The following SMIM30 variants were observed in gnomAD, a reference collection of about 807,000 sequenced individuals.
SMIM30 encodes the protein small integral membrane protein 30, also known as long intergenic non-protein coding RNA 998.
For synonymous variants in SMIM30, 19 were observed against 11.5 expected, an observed-to-expected ratio of 1.65 and a Z score of -1.31; for missense variants, 43 against 27.6, an observed-to-expected ratio of 1.56 and a Z score of -1.25.
chr7:113,118,077 G>A lies in SMIM30; in HGVS notation c.-39C>T, dbSNP rs1027080390. ...AATTAATAAGACTTACCAAAGAAAT[G>A]GTATATATAGAATTCTATCTGACTT... On this transcript the variant is annotated 5_prime_UTR_variant, in exon 2 of 3. Coordinates refer to ENST00000397764, the MANE Select transcript of SMIM30 (RefSeq NM_001352688.2). 8.8e-6 allele frequency: 4 copies of A among 452,192 alleles called. No homozygotes were observed. Among genetic ancestry groups the A allele is most frequent in the African/African-American group, 6.0e-5 (3 of 49,720 alleles). The allele number at this position is 452,192 out of a possible 1,614,324, so 28.0% of individuals were successfully genotyped here. A position where few individuals can be genotyped will look rare whatever the true frequency, so the allele number is the denominator to read the frequency against.
chr7:113,117,797 TCC>T, intron 2 of SMIM30, 190 bp from the exon 3 acceptor site: 1 of 560,686 alleles, frequency 1.8e-6, no homozygotes, highest in Non-Finnish European at 3.2e-6. Context: ...GAGGTTCATC[TCC>T]CTATCTCGTG....
intron 2 of SMIM30, 154 bp from the exon 3 acceptor site, chr7:113,117,761 CAG>C: frequency 1.7e-6 from 1 of 600,462 alleles, no homozygotes; most frequent in Non-Finnish European, 3.0e-6. Flanking sequence ...GGTGGAAAAA[CAG>C]AGGGACGTTA....
chr7:113,117,573 G>A lies in SMIM30; in HGVS notation c.6C>T (p.Thr2=). The change falls in exon 3 of 3, where the codon ACC becomes ACT. Residue 2 remains threonine, a synonymous_variant. Transcript: ENST00000397764. ...CTAAGGACAACTGTGTTGAAACTGA[G>A]GTCATGATGTTGGAATCTTGAGGGC... is the stretch of plus-strand genomic sequence containing the variant. M[T]SVSTQLSLVL... The A allele has an allele frequency of 1.4e-6, 1 of 702,886 alleles. No individual in the cohort carries two copies. The highest frequency in any genetic ancestry group is 2.6e-6 in the Non-Finnish European group (1 of 384,936). 43.5% of individuals were successfully genotyped at this position (702,886 alleles called of 1,614,324 possible). A position where few individuals can be genotyped will look rare whatever the true frequency, so the allele number is the denominator to read the frequency against.
At chr7:113,117,868 A>G in intron 2 of SMIM30, 200 bp downstream of exon 2, 1 of 426,646 alleles carries the variant, frequency 2.3e-6, no homozygotes, top group South Asian at 2.3e-5. Context: ...GCATCAACCA[A>G]ACAAAAATTG....
intron 1 of SMIM30, 37 bp from the exon 2 acceptor site, chr7:113,118,198 G>A (rs557475958): frequency 2.3e-5 from 10 of 429,820 alleles, no homozygotes; most frequent in East Asian, 7.2e-5. Context: ...GGGGCGGAGA[G>A]AAGGATTTAA....
rs1242328485 is a variant in SMIM30, at chr7:113,117,225, C to T, written c.*174G>A. On this transcript the variant is annotated 3_prime_UTR_variant, in exon 3 of 3. Coordinates refer to ENST00000397764, the MANE Select transcript of SMIM30 (RefSeq NM_001352688.2). ...TGTGCATTATTTGTTGTAAAGAAAA[C>T]ATTTTTTTTTCAATTTATAAATGTA... 1 of 567,068 alleles carries T rather than the reference C, an allele frequency of 1.8e-6. No homozygotes were observed. Among genetic ancestry groups the T allele is most frequent in the African/African-American group, 1.9e-5 (1 of 53,514 alleles). 35.1% of individuals were successfully genotyped at this position (567,068 alleles called of 1,614,324 possible).
In SMIM30 at chr7:113,116,932, C is replaced by T. The variant is rs1013182747; in HGVS notation, c.*467G>A. The T allele has an allele frequency of 1.3e-5, 2 of 154,124 alleles. No homozygotes were observed. The highest frequency in any genetic ancestry group is 4.8e-5 in the African/African-American group (2 of 41,240). 9.5% of individuals were successfully genotyped at this position (154,124 alleles called of 1,614,324 possible). A position where few individuals can be genotyped will look rare whatever the true frequency, so the allele number is the denominator to read the frequency against. On this transcript the variant is annotated 3_prime_UTR_variant, in exon 3 of 3. Coordinates refer to ENST00000397764, the MANE Select transcript of SMIM30 (RefSeq NM_001352688.2). ...TTTTTTCCCTAGAGATAAAAGTTTT[C>T]CTTTTTGCCTGACTCTCTGATATCT... is the stretch of plus-strand genomic sequence containing the variant.
intron 2 of SMIM30, 176 bp from the exon 3 acceptor site, chr7:113,117,783 A>C: frequency 1.7e-6 from 1 of 574,412 alleles, no homozygotes; most frequent in Middle Eastern, 4.6e-4. Context: ...AAAGACAGTA[A>C]TTTGAGGTTC....
At chr7:113,118,280 G>C (rs1794720040) in intron 1 of SMIM30, 119 bp from the exon 2 acceptor site, 4 of 419,774 alleles carry the variant, frequency 9.5e-6, no homozygotes, top group Admixed American at 2.6e-5. Context: ...AGGCCATATG[G>C]ACGGTAGGGG....
rs1249072937 is a variant in SMIM30, at chr7:113,118,508, G to A, written c.-124+20C>T. On this transcript the variant is annotated intron_variant, in intron 1 of 2. Transcript: ENST00000397764. ...ACTGGTGCAACCTAAGTATCCTTTG[G>A]AGACGAGTTCGTACATTACCTTCTA... 1 of 456,096 alleles carries A rather than the reference G, an allele frequency of 2.2e-6. No individual in the cohort carries two copies. The highest frequency in any genetic ancestry group is 4.4e-6 in the Non-Finnish European group (1 of 226,918). 28.3% of individuals were successfully genotyped at this position (456,096 alleles called of 1,614,324 possible).
chr7:113,117,729 C>T lies in SMIM30; in HGVS notation c.-29-122G>A, dbSNP rs1201086655. The T allele has an allele frequency of 6.3e-6, 4 of 637,792 alleles. No individual in the cohort carries two copies. In the African/African-American group the frequency reaches 7.3e-5, roughly 12 times the overall value. 39.5% of individuals were successfully genotyped at this position (637,792 alleles called of 1,614,324 possible). Reference sequence around the variant, plus strand: ...TTTTGGATACTTTATGAATCATTTCCAATCCATCTCCTCATCTTATAGGTG... The same window carrying T: ...TTTTGGATACTTTATGAATCATTTCTAATCCATCTCCTCATCTTATAGGTG... On this transcript the variant is annotated intron_variant, in intron 2 of 2. Coordinates refer to ENST00000397764, the MANE Select transcript of SMIM30 (RefSeq NM_001352688.2).
chr7:113,117,810 A>G (rs1057442732), intron 2 of SMIM30: 7 of 528,216 alleles, frequency 1.3e-5, no homozygotes, highest in African/African-American at 1.9e-5. Context: ...CTATCTCGTG[A>G]TAACACTCTA....
rs1438472786 is a variant in SMIM30, at chr7:113,117,604, G to T, written c.-26C>A. The T allele has an allele frequency of 1.4e-6, 1 of 702,436 alleles. No individual in the cohort carries two copies. The highest frequency in any genetic ancestry group is 2.0e-5 in the Admixed American group (1 of 49,952). The allele number at this position is 702,436 out of a possible 1,614,324, so 43.5% of individuals were successfully genotyped here. A position where few individuals can be genotyped will look rare whatever the true frequency, so the allele number is the denominator to read the frequency against. ...GATGTTGGAATCTTGAGGGCTGAAG[G>T]TTCCTAGAAATTAAACATGGAAACA... On this transcript the variant is annotated 5_prime_UTR_variant, in exon 3 of 3. Transcript: ENST00000397764.
intron 1 of SMIM30, 96 bp from the exon 2 acceptor site, chr7:113,118,257 G>C: frequency 2.4e-6 from 1 of 424,448 alleles, no homozygotes; most frequent in Non-Finnish European, 4.7e-6. Flanking sequence ...GCTAGAGTCA[G>C]TGCAGAGCGT....
At position 113,117,251 on chromosome 7, in the gene SMIM30, T is replaced by C; in HGVS notation, c.*148A>G. ...ATTTTTTTTTCAATTTATAAATGTA[T>C]GTTTGTTGCCATTTCATGGAAACAA... On this transcript the variant is annotated 3_prime_UTR_variant, in exon 3 of 3. Transcript: ENST00000397764. 1 of 592,706 alleles carries C rather than the reference T, an allele frequency of 1.7e-6. No individual in the cohort carries two copies. The highest frequency in any genetic ancestry group is 3.0e-6 in the Non-Finnish European group (1 of 331,688). The allele number at this position is 592,706 out of a possible 1,614,324, so 36.7% of individuals were successfully genotyped here. A position where few individuals can be genotyped will look rare whatever the true frequency, so the allele number is the denominator to read the frequency against.
chr7:113,117,294 C>A lies in SMIM30; in HGVS notation c.*105G>T, dbSNP rs895363675. Reference sequence around the variant, plus strand: ...GGAAACAATGAAAAATGTGAAACTCCCTTATTTACTGATTCTTGGAACCTT... The same window carrying A: ...GGAAACAATGAAAAATGTGAAACTCACTTATTTACTGATTCTTGGAACCTT... On this transcript the variant is annotated 3_prime_UTR_variant, in exon 3 of 3. Transcript: ENST00000397764. 6.3e-6 allele frequency: 4 copies of A among 633,006 alleles called. No homozygotes were observed. The African/African-American group carries it at 7.3e-5, about 12-fold the overall frequency. 39.2% of individuals were successfully genotyped at this position (633,006 alleles called of 1,614,324 possible). A position where few individuals can be genotyped will look rare whatever the true frequency, so the allele number is the denominator to read the frequency against.
At position 113,117,351 on chromosome 7, in the gene SMIM30, A is replaced by G; in HGVS notation, c.*48T>C. The G allele has an allele frequency of 1.4e-6, 1 of 700,318 alleles. No homozygotes were observed. The highest frequency in any genetic ancestry group is 2.6e-6 in the Non-Finnish European group (1 of 382,986). The allele number at this position is 700,318 out of a possible 1,614,324, so 43.4% of individuals were successfully genotyped here. On this transcript the variant is annotated 3_prime_UTR_variant, in exon 3 of 3. Coordinates refer to ENST00000397764, the MANE Select transcript of SMIM30 (RefSeq NM_001352688.2). ...ACCAAATCTCAGGTTTAGCCTCTAA[A>G]GCGCAAAGGTTTTCAGGGTGAGGTT...
rs982646843 is a variant in SMIM30 at position 113,118,533 on chromosome 7, A to G, written c.-129T>C. The G allele has an allele frequency of 4.4e-6, 2 of 455,706 alleles. No homozygotes were observed. The highest frequency in any genetic ancestry group is 8.8e-6 in the Non-Finnish European group (2 of 226,790). The allele number at this position is 455,706 out of a possible 1,614,324, so 28.2% of individuals were successfully genotyped here. ...GAGACGAGTTCGTACATTACCTTCT[A>G]GGAAGCAGCCATTACAGGAATGGCG... is the stretch of plus-strand genomic sequence containing the variant. On this transcript the variant is annotated 5_prime_UTR_variant, in exon 1 of 3. It removes the in-frame stop codon of an upstream open reading frame in the 5' UTR. Coordinates refer to ENST00000397764, the MANE Select transcript of SMIM30 (RefSeq NM_001352688.2).
At position 113,117,319 on chromosome 7, in the gene SMIM30, T is replaced by C; in HGVS notation, c.*80A>G. 2.9e-6 allele frequency: 2 copies of C among 684,960 alleles called. No individual in the cohort carries two copies. The highest frequency in any genetic ancestry group is 5.4e-6 in the Non-Finnish European group (2 of 372,884). 42.4% of individuals were successfully genotyped at this position (684,960 alleles called of 1,614,324 possible). On this transcript the variant is annotated 3_prime_UTR_variant, in exon 3 of 3. Coordinates refer to ENST00000397764, the MANE Select transcript of SMIM30 (RefSeq NM_001352688.2). ...CCTTATTTACTGATTCTTGGAACCT[T>C]TCACACACCAAATCTCAGGTTTAGC... is the stretch of plus-strand genomic sequence containing the variant.
Sources: allele counts gnomAD v4.1 joint callset, GRCh38; gene constraint gnomAD v4.1.1; transcripts MANE v1.5; gene names NCBI Gene and HGNC (gene_info 2026-07-23, HGNC 2026-07-21).